Variants in PHLPP2 observed in about 807,000 individuals in gnomAD.
PHLPP2 encodes PH domain leucine-rich repeat-containing protein phosphatase 2.
A neutral mutation model predicts 124.9 loss-of-function variants in PHLPP2; 66 were observed. The observed-to-expected ratio is 0.53, with a 90% CI of 0.43 to 0.65. The LOEUF (loss-of-function observed/expected upper bound fraction) is 0.65, where lower values mean the gene tolerates loss of function less well. Ranked by LOEUF, PHLPP2 falls within the 30% of genes least tolerant of loss-of-function variation. The pLI is 0.00. For missense variants in PHLPP2, 1,685 were observed against 1,600.4 expected (o/e 1.05, Z -0.90); for synonymous variants, 681 against 624.7 (o/e 1.09, Z -1.34).
intron 4 of PHLPP2, 67 bp from the exon 5 acceptor site, chr16:71,684,668 C>T: frequency 6.9e-7 from 1 of 1,439,370 alleles, no homozygotes; most frequent in Non-Finnish European, 9.5e-7. Flanking sequence ...AAGCAAAAGG[C>T]AATCACAAGA....
chr16:71,688,608 G>GTTTTT (rs371183298), intron 4 of PHLPP2, among the ~76,000 whole-genome samples: 3 of 125,660 alleles, frequency 2.4e-5, no homozygotes, highest in East Asian at 2.3e-4. Context: ...TTCTCTGTGG[G>GTTTTT]TTTTTTTTTT....
intron 3 of PHLPP2, among the ~76,000 whole-genome samples, chr16:71,696,569 A>G (rs984596959): frequency 6.6e-6 from 1 of 151,496 alleles, no homozygotes; most frequent in Admixed American, 6.6e-5. Context: ...CCCAGGAGGC[A>G]GAGGCTGCAG....
rs375992689 is a variant in PHLPP2 at position 71,649,471 on chromosome 16, G to A, written c.3391C>T (p.Arg1131Cys). The A allele has an allele frequency of 2.2e-5, 36 of 1,613,944 alleles. No individual in the cohort carries two copies. The highest frequency in any genetic ancestry group is 2.9e-5 in the Non-Finnish European group (34 of 1,179,996). Reference protein sequence around the residue: ...HPTPTSGLFQRQPSSATFSSN... With the variant: ...HPTPTSGLFQCQPSSATFSSN... ...GAGAAGGTAGCAGAAGAAGGCTGGCGCTGAAACAGCCCAGAGGTGGGTGTT... is the reference window on the plus strand; with the variant it reads ...GAGAAGGTAGCAGAAGAAGGCTGGCACTGAAACAGCCCAGAGGTGGGTGTT... Residue 1131 changes from arginine (R) to cysteine (C), a missense_variant, in exon 19 of 19, where the codon CGC becomes TGC. Arg to Cys is a radical substitution (Grantham distance 180). Transcript: ENST00000568954.
At chr16:71,685,332 A>G (rs113244430) in intron 4 of PHLPP2, among the ~76,000 whole-genome samples, 339 of 152,320 alleles carry the variant, frequency 2.2e-3, no homozygotes, top group African/African-American at 7.3e-3. Context: ...GTCTCAAACA[A>G]AAAAAGAAAT....
intron 1 of PHLPP2, among the ~76,000 whole-genome samples, chr16:71,720,810 G>A (rs528927626): frequency 3.8e-4 from 58 of 151,376 alleles, no homozygotes; most frequent in Admixed American, 2.6e-4. Context: ...AGCCAAGATC[G>A]TGCCATTGCA....
chr16:71,701,418 CT>C (rs2045232691), intron 3 of PHLPP2, among the ~76,000 whole-genome samples: 1 of 152,116 alleles, frequency 6.6e-6, no homozygotes, highest in Non-Finnish European at 1.5e-5. Context: ...TCATCCCAAA[CT>C]TAATTTCCTC....
intron 2 of PHLPP2, among the ~76,000 whole-genome samples, chr16:71,703,041 CTTTCTG>C (rs1284091190): frequency 1.3e-5 from 2 of 152,134 alleles, no homozygotes; most frequent in Admixed American, 6.5e-5. Context: ...TAGTATTTGA[CTTTCTG>C]TTTCTGAGTT....
intron 2 of PHLPP2, among the ~76,000 whole-genome samples, chr16:71,706,218 G>A (rs138283658): frequency 3.9e-5 from 6 of 152,298 alleles, no homozygotes; most frequent in Middle Eastern, 3.4e-3. Context: ...ACCTACTATA[G>A]TCCATGTAAA....
At chr16:71,716,260 A>C (rs1381325150) in intron 1 of PHLPP2, among the ~76,000 whole-genome samples, 1 of 152,210 alleles carries the variant, frequency 6.6e-6, no homozygotes, top group Non-Finnish European at 1.5e-5. Context: ...TCCAGCAATA[A>C]ACATTTTTGT....
intron 8 of PHLPP2, chr16:71,677,853 C>T (rs2044961491): frequency 6.6e-6 from 1 of 152,066 alleles, no homozygotes; most frequent in Admixed American, 6.6e-5. Flanking sequence ...GAAAAATGGT[C>T]ATTTATGGAA....
chr16:71,667,141 G>C (rs1284201153), intron 12 of PHLPP2, 37 bp downstream of exon 12: 2 of 1,570,078 alleles, frequency 1.3e-6, no homozygotes, highest in South Asian at 2.3e-5. Context: ...TTTAGCCAAT[G>C]ATTCTGCTCT....
chr16:71,684,891 T>C (rs1277589864), intron 4 of PHLPP2, among the ~76,000 whole-genome samples: 1 of 152,100 alleles, frequency 6.6e-6, no homozygotes. Flanking sequence ...CAGTCCACTA[T>C]GTCCCCCTTA....
chr16:71,707,376 T>C (rs987180807), intron 2 of PHLPP2, among the ~76,000 whole-genome samples: 1 of 152,106 alleles, frequency 6.6e-6, no homozygotes, highest in East Asian at 1.9e-4. Context: ...GTGTCTTTGT[T>C]ATTCATGACC....
intron 3 of PHLPP2, among the ~76,000 whole-genome samples, chr16:71,702,309 A>T (rs2045239842): frequency 6.6e-6 from 1 of 152,248 alleles, no homozygotes; most frequent in Non-Finnish European, 1.5e-5. Context: ...AAAATAATTT[A>T]CTAAAGCATG....
At chr16:71,661,155 C>T (rs866856966) in intron 13 of PHLPP2, among the ~76,000 whole-genome samples, 2 of 151,632 alleles carry the variant, frequency 1.3e-5, no homozygotes, top group East Asian at 1.9e-4. Flanking sequence ...GAACCTCCAC[C>T]TCCCAGGTTG....
chr16:71,670,380 C>T (rs2044880463), intron 10 of PHLPP2, among the ~76,000 whole-genome samples: 1 of 151,868 alleles, frequency 6.6e-6, no homozygotes, highest in African/African-American at 2.4e-5. Context: ...AGAAACATGG[C>T]CAAAGTGGCA....
intron 2 of PHLPP2, among the ~76,000 whole-genome samples, chr16:71,703,416 AG>A (rs2045249719): frequency 6.6e-6 from 1 of 152,192 alleles, no homozygotes; most frequent in South Asian, 2.1e-4. Flanking sequence ...TTGAAAGCTA[AG>A]GTAAAACCAG....
At position 71,658,314 on chromosome 16, in the gene PHLPP2, G is replaced by A. The variant is rs2044758612; in HGVS notation, c.2198C>T (p.Ala733Val). The A allele has an allele frequency of 6.2e-7, 1 of 1,613,644 alleles. No individual in the cohort carries two copies. Among genetic ancestry groups the A allele is most frequent in the Non-Finnish European group, 8.5e-7 (1 of 1,179,586 alleles). Residue 733 changes from alanine (A) to valine (V), a missense_variant, in exon 15 of 19, where the codon GCT (alanine) becomes GTT (valine). Coordinates refer to ENST00000568954, the MANE Select transcript of PHLPP2 (RefSeq NM_015020.3). ...AAGGTCTTGTAATGTAGCAGGCAAAGCCTCTGGAATCAGGATTTCTGTCAA... is the reference window on the plus strand; with the variant it reads ...AAGGTCTTGTAATGTAGCAGGCAAAACCTCTGGAATCAGGATTTCTGTCAA... ...NDLTEILIPE[A>V]LPATLQDLDL...
At chr16:71,692,382 T>C (rs1051125996) in intron 3 of PHLPP2, among the ~76,000 whole-genome samples, 1 of 152,200 alleles carries the variant, frequency 6.6e-6, no homozygotes, top group Non-Finnish European at 1.5e-5. Flanking sequence ...TAATTGTTTA[T>C]ACAATTAGGT....
Sources: allele counts gnomAD v4.1 joint callset (sites outside exome capture counted in the v4.1 genomes callset), GRCh38; gene constraint gnomAD v4.1.1; transcripts MANE v1.5; gene names NCBI Gene and HGNC (gene_info 2026-07-23, HGNC 2026-07-21).